TFDP2: variants seen among roughly 807,000 people sequenced by gnomAD.
The protein encoded by TFDP2 is transcription factor Dp-2.
A neutral mutation model predicts 59.3 loss-of-function variants in TFDP2; 17 were observed. The observed-to-expected ratio is 0.29, with a 90% CI of 0.20 to 0.43. The LOEUF (loss-of-function observed/expected upper bound fraction) is 0.43. TFDP2 is among the 20% of genes least tolerant of loss of function. The probability of loss-of-function intolerance (pLI) is 1.00; values close to 1 mark genes in which losing one functional copy is unlikely to be tolerated. For missense variants in TFDP2, 391 were observed against 528.8 expected (o/e 0.74, Z 2.56); for synonymous variants, 180 against 194.7 (o/e 0.92, Z 0.63).
chr3:142,088,136 C>T (rs918546196), intron 3 of TFDP2, among the ~76,000 whole-genome samples: 1 of 152,158 alleles, frequency 6.6e-6, no homozygotes, highest in Admixed American at 6.5e-5. Context: ...TAGAAAAATG[C>T]CTGGCACATA....
chr3:141,978,108 G>A (rs1481547664), intron 7 of TFDP2, among the ~76,000 whole-genome samples: 3 of 151,952 alleles, frequency 2.0e-5, no homozygotes, highest in East Asian at 2.0e-4. Context: ...ACTTTGGAAG[G>A]CCAAGGCAGG....
At chr3:142,122,386 C>T (rs58002975) in intron 1 of TFDP2, among the ~76,000 whole-genome samples, 6,024 of 152,132 alleles carry the variant, frequency 0.04, 397 homozygotes, top group African/African-American at 0.14. Context: ...AATTTAGAAA[C>T]CTATCTCTAA....
chr3:142,110,606 T>G (rs1418342576), intron 1 of TFDP2, among the ~76,000 whole-genome samples: 2 of 152,148 alleles, frequency 1.3e-5, no homozygotes, highest in Non-Finnish European at 2.9e-5. Context: ...ATTTACTTAT[T>G]GGATAAATAC....
chr3:142,089,534 G>A (rs555496426), intron 3 of TFDP2, among the ~76,000 whole-genome samples: 2 of 152,174 alleles, frequency 1.3e-5, no homozygotes, highest in South Asian at 4.2e-4. Context: ...GAGTGACCCA[G>A]TAACTGCACT....
At chr3:142,062,072 A>G (rs575871098) in intron 3 of TFDP2, among the ~76,000 whole-genome samples, 1 of 151,994 alleles carries the variant, frequency 6.6e-6, no homozygotes, top group East Asian at 1.9e-4. Flanking sequence ...CCTACTCTTC[A>G]TTAACATGAC....
At chr3:142,079,387 A>C (rs891872462) in intron 3 of TFDP2, among the ~76,000 whole-genome samples, 1 of 152,200 alleles carries the variant, frequency 6.6e-6, no homozygotes, top group Non-Finnish European at 1.5e-5. Flanking sequence ...CAAGATCTAG[A>C]AAATAGCCTC....
At position 142,068,738 on chromosome 3, in the gene TFDP2, T is replaced by C. The variant is rs575917000; in HGVS notation, c.82+24323A>G. 9.5e-4 allele frequency among the ~76,000 whole-genome samples: 144 copies of C among 152,104 alleles called. 1 individual carries two copies. Among genetic ancestry groups the C allele is most frequent in the African/African-American group, 3.4e-3 (141 of 41,486 alleles). On this transcript the variant is annotated intron_variant, in intron 3 of 12. Coordinates refer to ENST00000489671, the MANE Select transcript of TFDP2 (RefSeq NM_001178139.2). Reference sequence around the variant, plus strand: ...CACACCACCACCCCCAGCTAATTTTTCGTAGAGACAGGGTTTCACCATGTT... The same window carrying C: ...CACACCACCACCCCCAGCTAATTTTCCGTAGAGACAGGGTTTCACCATGTT...
intron 1 of TFDP2, among the ~76,000 whole-genome samples, chr3:142,115,355 C>T (rs907123096): frequency 1.4e-5 from 2 of 146,744 alleles, no homozygotes; most frequent in Non-Finnish European, 3.0e-5. Flanking sequence ...GTCCCGCTCT[C>T]TCGCTCAGGC....
chr3:141,963,669 G>A (rs540982630), intron 10 of TFDP2, 143 bp downstream of exon 10: 2 of 884,082 alleles, frequency 2.3e-6, no homozygotes, highest in East Asian at 5.1e-5. Flanking sequence ...TTGCACCCAT[G>A]GTTCAGGAGG....
chr3:141,968,198 T>C (rs1471797019), intron 9 of TFDP2, among the ~76,000 whole-genome samples: 1 of 146,100 alleles, frequency 6.8e-6, no homozygotes, highest in Non-Finnish European at 1.5e-5. Flanking sequence ...CAGCTTTTTT[T>C]TTTTTTAAAG....
intron 2 of TFDP2, among the ~76,000 whole-genome samples, chr3:142,094,950 C>A (rs955394656): frequency 1.3e-5 from 2 of 152,142 alleles, no homozygotes; most frequent in Non-Finnish European, 2.9e-5. Flanking sequence ...AACTTTATAA[C>A]TATCCACTTA....
intron 1 of TFDP2, among the ~76,000 whole-genome samples, chr3:142,146,018 T>G (rs899589899): frequency 6.6e-6 from 1 of 152,178 alleles, no homozygotes; most frequent in African/African-American, 2.4e-5. Flanking sequence ...AGAGAGGTCT[T>G]TAGCAGGTAA....
chr3:142,111,424 T>C (rs1436760652), intron 1 of TFDP2, among the ~76,000 whole-genome samples: 10 of 117,792 alleles, frequency 8.5e-5, no homozygotes, highest in Admixed American at 3.7e-4. Flanking sequence ...TTAGACTCTG[T>C]CTCAAAAAAA....
At chr3:142,086,355 C>T (rs1351816455) in intron 3 of TFDP2, among the ~76,000 whole-genome samples, 1 of 152,062 alleles carries the variant, frequency 6.6e-6, no homozygotes, top group Non-Finnish European at 1.5e-5. Flanking sequence ...TAATACTGTC[C>T]CCCACTTCAC....
chr3:142,001,056 G>C (rs1576647834), intron 4 of TFDP2, among the ~76,000 whole-genome samples: 1 of 152,156 alleles, frequency 6.6e-6, no homozygotes, highest in Admixed American at 6.5e-5. Flanking sequence ...GGGCCTCAGG[G>C]AGCAACCCCG....
chr3:142,127,764 C>T (rs1054285859), intron 1 of TFDP2, among the ~76,000 whole-genome samples: 1 of 151,514 alleles, frequency 6.6e-6, no homozygotes, highest in African/African-American at 2.4e-5. Context: ...GTTATATATA[C>T]ATAATTAAAA....
chr3:141,959,248 G>A (rs1197025059), intron 11 of TFDP2, among the ~76,000 whole-genome samples: 10 of 151,952 alleles, frequency 6.6e-5, no homozygotes, highest in Non-Finnish European at 1.3e-4. Context: ...GAGCTGCAGC[G>A]CCCGGCCAGG....
At chr3:142,142,171 A>C (rs1197961167) in intron 1 of TFDP2, among the ~76,000 whole-genome samples, 28 of 152,222 alleles carry the variant, frequency 1.8e-4, no homozygotes, top group Non-Finnish European at 4.4e-5. Flanking sequence ...CCCTGTTTGC[A>C]GATGATGCAA....
At chr3:142,001,019 T>C (rs1457917430) in intron 4 of TFDP2, among the ~76,000 whole-genome samples, 1 of 151,892 alleles carries the variant, frequency 6.6e-6, no homozygotes, top group East Asian at 1.9e-4. Context: ...CAGGCTGGAG[T>C]TGCATGCTGG....
Sources: allele counts gnomAD v4.1 joint callset (sites outside exome capture counted in the v4.1 genomes callset), GRCh38; gene constraint gnomAD v4.1.1; transcripts MANE v1.5; gene names NCBI Gene and HGNC (gene_info 2026-07-23, HGNC 2026-07-21).